The following PRKCE variants were observed in gnomAD, a reference collection of about 807,000 sequenced individuals.
PRKCE encodes protein kinase C epsilon type.
PRKCE carries 16 observed loss-of-function variants against 85.4 expected under a neutral mutation model. The ratio of observed to expected loss-of-function variants is 0.19; its 90% CI spans 0.13 to 0.28. PRKCE has a LOEUF of 0.28. Ranked by LOEUF, PRKCE falls within the 10% of genes least tolerant of loss-of-function variation. The pLI, the probability that PRKCE is intolerant of heterozygous loss-of-function variation, is 1.00. For missense variants in PRKCE, 573 were observed against 975.2 expected (o/e 0.59, Z 5.49); for synonymous variants, 388 against 371.5 (o/e 1.04, Z -0.51).
chr2:45,652,570 T>A lies in PRKCE; in HGVS notation c.348+122T>A, dbSNP rs934289265. ...CGACTGGGGTGTGTGTGCCTGTAAG[T>A]CTCAGTTTCCTTGGGGAGGTACACT... is the stretch of plus-strand genomic sequence containing the variant. On this transcript the variant is annotated intron_variant, in intron 1 of 14. Coordinates refer to ENST00000306156, the MANE Select transcript of PRKCE (RefSeq NM_005400.3). This position sits in a 1 kb window ranked among gnomAD's most constrained non-coding sequence, Gnocchi z 7.7. 5 of 963,714 alleles carry A rather than the reference T, an allele frequency of 5.2e-6. No individual in the cohort carries two copies. Among genetic ancestry groups the A allele is most frequent in the Non-Finnish European group, 7.5e-6 (5 of 667,952 alleles). 59.7% of individuals were successfully genotyped at this position (963,714 alleles called of 1,614,324 possible).
At chr2:45,653,921 C>T (rs1018615301) in intron 1 of PRKCE, among the ~76,000 whole-genome samples, 7 of 152,206 alleles carry the variant, frequency 4.6e-5, no homozygotes, top group Non-Finnish European at 7.3e-5. Flanking sequence ...CAACAGAGCT[C>T]CCACTCATTC....
intron 1 of PRKCE, among the ~76,000 whole-genome samples, chr2:45,678,698 T>G (rs543640015): frequency 1.3e-5 from 2 of 152,216 alleles, no homozygotes; most frequent in African/African-American, 2.4e-5. Flanking sequence ...CTGGATTTTT[T>G]TTTTTCATTT....
chr2:45,823,977 G>C (rs1212110512), intron 1 of PRKCE, among the ~76,000 whole-genome samples: 1 of 152,220 alleles, frequency 6.6e-6, no homozygotes, highest in Non-Finnish European at 1.5e-5. Context: ...TGTGCTCACT[G>C]GCTCACTGGC....
chr2:46,067,172 C>T (rs1290260249), intron 10 of PRKCE, among the ~76,000 whole-genome samples: 3 of 152,094 alleles, frequency 2.0e-5, no homozygotes, highest in Non-Finnish European at 4.4e-5. Context: ...ATTAATTGGC[C>T]AAGCAATGCA....
intron 11 of PRKCE, among the ~76,000 whole-genome samples, chr2:46,107,167 A>G (rs1055686779): frequency 5.9e-5 from 9 of 152,154 alleles, no homozygotes; most frequent in African/African-American, 2.2e-4. Context: ...CCTCCTCCCT[A>G]AACCCCTGAT....
intron 2 of PRKCE, among the ~76,000 whole-genome samples, chr2:45,912,687 A>G (rs78955417): frequency 0.032 from 4,815 of 152,158 alleles, 120 homozygotes; most frequent in Non-Finnish European, 0.045. Flanking sequence ...AGCGCATCTC[A>G]CCGAAAATCT....
At chr2:45,790,682 G>A (rs542110873) in intron 1 of PRKCE, among the ~76,000 whole-genome samples, 29 of 152,288 alleles carry the variant, frequency 1.9e-4, no homozygotes, top group Admixed American at 1.8e-3. Flanking sequence ...AACCCTTCAC[G>A]TTTTTCTTCT....
At chr2:46,106,779 C>A (rs1230889421) in intron 11 of PRKCE, among the ~76,000 whole-genome samples, 2 of 152,138 alleles carry the variant, frequency 1.3e-5, no homozygotes, top group African/African-American at 2.4e-5. Flanking sequence ...CTTTAAAGGC[C>A]CTGTCTCCAA....
At chr2:45,685,970 T>C (rs897790941) in intron 1 of PRKCE, among the ~76,000 whole-genome samples, 3 of 152,212 alleles carry the variant, frequency 2.0e-5, no homozygotes, top group African/African-American at 7.2e-5. Context: ...TGGTTATTAT[T>C]ACTATTTTAA....
chr2:45,790,549 C>T (rs944222605), intron 1 of PRKCE, among the ~76,000 whole-genome samples: 4 of 152,154 alleles, frequency 2.6e-5, no homozygotes, highest in Non-Finnish European at 5.9e-5. Flanking sequence ...ATTTTTGTTC[C>T]ACTGAAATAC....
intron 2 of PRKCE, among the ~76,000 whole-genome samples, chr2:45,849,944 A>G (rs1476903967): frequency 6.6e-6 from 1 of 152,226 alleles, no homozygotes; most frequent in Non-Finnish European, 1.5e-5. Context: ...GATCAGCTGG[A>G]AAACAGTGAG....
intron 1 of PRKCE, among the ~76,000 whole-genome samples, chr2:45,669,903 T>G (rs1028930114): frequency 1.3e-5 from 2 of 152,050 alleles, no homozygotes; most frequent in African/African-American, 4.8e-5. Context: ...CCCAGCTATT[T>G]TGGGGGCTGA....
At chr2:45,864,706 A>G (rs1016398820) in intron 2 of PRKCE, among the ~76,000 whole-genome samples, 10 of 152,182 alleles carry the variant, frequency 6.6e-5, no homozygotes, top group African/African-American at 2.4e-4. Context: ...ATTCCTATGG[A>G]TTATAAAGAG....
In PRKCE at chr2:46,010,521, T is replaced by C; in HGVS notation, c.1437+4T>C. The C allele has an allele frequency of 1.3e-6, 2 of 1,599,080 alleles. No individual in the cohort carries two copies. The highest frequency in any genetic ancestry group is 1.1e-5 in the South Asian group (1 of 91,026). On this transcript the variant is annotated splice_donor_region_variant and intron_variant, in intron 10 of 14. Coordinates refer to ENST00000306156, the MANE Select transcript of PRKCE (RefSeq NM_005400.3). ...CTACTGCTGCTTCCAGACCAAGGTA[T>C]GTTAGGAAGAAGCTGGCTGGCTGCC...
chr2:45,823,390 T>A (rs1254624064), intron 1 of PRKCE, among the ~76,000 whole-genome samples: 1 of 152,250 alleles, frequency 6.6e-6, no homozygotes, highest in East Asian at 1.9e-4. Flanking sequence ...GTTGAATTAC[T>A]TTCGCAGACA....
Position 45,697,045 on chromosome 2 carries a change from C to G in PRKCE, c.348+44597C>G, listed in dbSNP as rs1678211988. On this transcript the variant is annotated intron_variant, in intron 1 of 14. Coordinates refer to ENST00000306156, the MANE Select transcript of PRKCE (RefSeq NM_005400.3). The surrounding 1 kb of genome is among the most constrained non-coding windows in gnomAD (Gnocchi z 4.2). ...CCCATGTTTGGTGCAGAGCTGAAAG[C>G]AAACCTTTTTGTGACTACATTAATG... Among the ~76,000 whole-genome samples the G allele has an allele frequency of 2.0e-5, 3 of 152,208 alleles. No homozygotes were observed. Among genetic ancestry groups the G allele is most frequent in the Non-Finnish European group, 4.4e-5 (3 of 68,030 alleles).
At chr2:45,879,909 T>C (rs753815208) in intron 2 of PRKCE, among the ~76,000 whole-genome samples, 2 of 152,258 alleles carry the variant, frequency 1.3e-5, no homozygotes, top group African/African-American at 2.4e-5. Context: ...TCCTACCTAT[T>C]TGAAATTATA....
In PRKCE at chr2:46,001,477, C is replaced by T. The variant is rs1363217022; in HGVS notation, c.897C>T (p.Ile299=). 16 of 1,599,192 alleles carry T rather than the reference C, an allele frequency of 1.0e-5. 1 individual carries two copies. The highest frequency in any genetic ancestry group is 3.3e-5 in the South Asian group (3 of 91,056). ...APNCGVDARG[I]AKVLADLGVT... ...ACTGTGGAGTGGATGCCAGAGGAAT[C>T]GCCAAAGTACTGGCCGACCTGGGCG... Residue 299 remains isoleucine (I), a synonymous_variant, in exon 7 of 15, where the codon ATC becomes ATT. Coordinates refer to ENST00000306156, the MANE Select transcript of PRKCE (RefSeq NM_005400.3). This position sits in a 1 kb window ranked among gnomAD's most constrained non-coding sequence, Gnocchi z 4.4.
chr2:46,181,279 C>A (rs1679950383), intron 14 of PRKCE, among the ~76,000 whole-genome samples: 1 of 152,186 alleles, frequency 6.6e-6, no homozygotes, highest in Non-Finnish European at 1.5e-5. Flanking sequence ...TCCCAAGCCT[C>A]TACTGTTAAC....
Sources: gnomAD v4.1 joint callset for allele counts (sites outside exome capture counted in the v4.1 genomes callset) on GRCh38, gnomAD v4.1.1 for gene constraint, Gnocchi (gnomAD v3.1) non-coding constraint, MANE v1.5 for transcripts, NCBI Gene and HGNC (gene_info 2026-07-23, HGNC 2026-07-21) for gene names.